The following LRRIQ3 variants were observed in gnomAD, a reference collection of about 807,000 sequenced individuals.
LRRIQ3 encodes the protein leucine-rich repeat and IQ domain-containing protein 3.
A neutral mutation model predicts 59.3 loss-of-function variants in LRRIQ3; 75 were observed. The ratio of observed to expected loss-of-function variants is 1.26; its 90% CI spans 1.05 to 1.53. The LOEUF (loss-of-function observed/expected upper bound fraction) is 1.53, where lower values mean the gene tolerates loss of function less well. Among genes scored for constraint, LRRIQ3 ranks in the 40% most tolerant of loss-of-function variants. LRRIQ3 has a pLI of 0.00. For missense variants in LRRIQ3, 831 were observed against 710.0 expected (o/e 1.17, Z -1.94); for synonymous variants, 250 against 231.3 (o/e 1.08, Z -0.73).
intron 5 of LRRIQ3, among the ~76,000 whole-genome samples, chr1:74,093,052 A>G (rs1002109554): frequency 1.3e-5 from 2 of 152,074 alleles, no homozygotes; most frequent in African/African-American, 4.8e-5. Flanking sequence ...AGATCTTTCT[A>G]CTTGCTTAAG....
chr1:74,061,648 C>G (rs1395364609), intron 6 of LRRIQ3, among the ~76,000 whole-genome samples: 1 of 151,926 alleles, frequency 6.6e-6, no homozygotes, highest in Non-Finnish European at 1.5e-5. Context: ...CCATGAAAAC[C>G]CTGAAGGTAA....
At chr1:74,152,155 A>G (rs980622797) in intron 4 of LRRIQ3, among the ~76,000 whole-genome samples, 1 of 152,034 alleles carries the variant, frequency 6.6e-6, no homozygotes, top group African/African-American at 2.4e-5. Flanking sequence ...ATGTAAGAGA[A>G]AATTTAGAAA....
chr1:74,056,400 T>A (rs959497181), intron 6 of LRRIQ3, among the ~76,000 whole-genome samples: 1 of 151,890 alleles, frequency 6.6e-6, no homozygotes, highest in African/African-American at 2.4e-5. Context: ...AAAATAGGGA[T>A]CCAAATTGGA....
chr1:74,036,360 A>G (rs1371045580), intron 7 of LRRIQ3, among the ~76,000 whole-genome samples: 2 of 152,156 alleles, frequency 1.3e-5, no homozygotes, highest in African/African-American at 4.8e-5. Flanking sequence ...CCTCATCCCC[A>G]GTTTATTACC....
chr1:74,055,358 C>A (rs1654501233), intron 6 of LRRIQ3, among the ~76,000 whole-genome samples: 1 of 151,798 alleles, frequency 6.6e-6, no homozygotes, highest in Non-Finnish European at 1.5e-5. Flanking sequence ...TTTCTTGTTC[C>A]CCCCTCTCTT....
intron 5 of LRRIQ3, among the ~76,000 whole-genome samples, chr1:74,077,212 G>A (rs548999982): frequency 2.5e-4 from 38 of 150,866 alleles, no homozygotes; most frequent in Non-Finnish European, 4.9e-4. Flanking sequence ...GATCACTCTC[G>A]TATTTTCCTA....
intron 3 of LRRIQ3, among the ~76,000 whole-genome samples, chr1:74,170,565 T>C (rs1457568254): frequency 2.0e-5 from 3 of 152,208 alleles, no homozygotes; most frequent in East Asian, 1.9e-4. Context: ...TTAATTACTA[T>C]AGATTTGTAA....
At chr1:74,169,781 C>A (rs1308767623) in intron 3 of LRRIQ3, among the ~76,000 whole-genome samples, 1 of 152,050 alleles carries the variant, frequency 6.6e-6, no homozygotes, top group East Asian at 1.9e-4. Flanking sequence ...AACTCCTGGC[C>A]TCAAGTGATC....
At chr1:74,064,081 A>G (rs1249549465) in intron 6 of LRRIQ3, among the ~76,000 whole-genome samples, 1 of 151,888 alleles carries the variant, frequency 6.6e-6, no homozygotes, top group African/African-American at 2.4e-5. Flanking sequence ...TGCAAATGTC[A>G]TTCCCCACTT....
At chr1:74,036,408 T>C (rs961984783) in intron 7 of LRRIQ3, among the ~76,000 whole-genome samples, 3 of 152,204 alleles carry the variant, frequency 2.0e-5, no homozygotes, top group African/African-American at 7.2e-5. Context: ...CCAATCATAC[T>C]TCTACAAAAT....
chr1:74,081,240 T>C (rs1399958451), intron 5 of LRRIQ3, among the ~76,000 whole-genome samples: 1 of 151,502 alleles, frequency 6.6e-6, no homozygotes, highest in East Asian at 1.9e-4. Flanking sequence ...AATGTGACAT[T>C]TCTCTTCTAC....
intron 6 of LRRIQ3, 102 bp from the exon 7 acceptor site, chr1:74,042,035 C>T (rs1654064238): frequency 1.7e-6 from 2 of 1,181,316 alleles, no homozygotes; most frequent in Non-Finnish European, 2.2e-6. Context: ...CTTTTATTTA[C>T]TTTACTAAGA....
At chr1:74,076,937 T>A (rs888133951) in intron 5 of LRRIQ3, among the ~76,000 whole-genome samples, 5 of 152,136 alleles carry the variant, frequency 3.3e-5, no homozygotes, top group African/African-American at 1.2e-4. Context: ...ACTTTTAAGC[T>A]CATACATTCT....
intron 6 of LRRIQ3, among the ~76,000 whole-genome samples, chr1:74,064,248 T>G (rs901362937): frequency 1.3e-5 from 2 of 151,916 alleles, no homozygotes; most frequent in Non-Finnish European, 2.9e-5. Flanking sequence ...ATTTACCAAT[T>G]TTTATCCTAT....
rs183910627 is a variant in LRRIQ3, at chr1:74,194,607, T to A, written c.-1+3389A>T. 2.9e-3 allele frequency among the ~76,000 whole-genome samples: 436 copies of A among 152,252 alleles called. 2 individuals are homozygous for A. The highest frequency in any genetic ancestry group is 9.9e-3 in the African/African-American group (410 of 41,564). Reference sequence around the variant, plus strand: ...TTTATTTTTATTCCAACTTGGAGACTGCAAAAGCATAAGCCTGAAAAAACT... The same window carrying A: ...TTTATTTTTATTCCAACTTGGAGACAGCAAAAGCATAAGCCTGAAAAAACT... On this transcript the variant is annotated intron_variant, in intron 1 of 7. Coordinates refer to ENST00000354431, the MANE Select transcript of LRRIQ3 (RefSeq NM_001105659.2).
chr1:74,058,827 C>T (rs867250865), intron 6 of LRRIQ3, among the ~76,000 whole-genome samples: 1 of 151,850 alleles, frequency 6.6e-6, no homozygotes, highest in African/African-American at 2.4e-5. Flanking sequence ...CATACTGTAC[C>T]CCATAAATAT....
intron 7 of LRRIQ3, among the ~76,000 whole-genome samples, chr1:74,037,406 G>C (rs1653903050): frequency 6.6e-6 from 1 of 152,142 alleles, no homozygotes; most frequent in African/African-American, 2.4e-5. Flanking sequence ...GGGAGGCTGA[G>C]GGGGACGGAT....
chr1:74,039,024 C>T (rs1422789995), intron 7 of LRRIQ3, among the ~76,000 whole-genome samples: 2 of 152,020 alleles, frequency 1.3e-5, no homozygotes, highest in Non-Finnish European at 2.9e-5. Flanking sequence ...ATAATAAACG[C>T]CACTAAGCTA....
At chr1:74,182,141 T>C (rs767822546) in intron 3 of LRRIQ3, 1 of 152,102 alleles carries the variant, frequency 6.6e-6, no homozygotes, top group Non-Finnish European at 1.5e-5. Flanking sequence ...TTTTATCTTG[T>C]CAAATAACCA....
Sources: allele counts gnomAD v4.1 joint callset (sites outside exome capture counted in the v4.1 genomes callset), GRCh38; gene constraint gnomAD v4.1.1; transcripts MANE v1.5; gene names NCBI Gene and HGNC (gene_info 2026-07-23, HGNC 2026-07-21).